The following NEK2 variants were observed in gnomAD, a reference collection of about 807,000 sequenced individuals.
NEK2 encodes NIMA related kinase 2.
A neutral mutation model predicts 54.1 loss-of-function variants in NEK2; 28 were observed. The observed-to-expected ratio is 0.52, with a 90% CI of 0.38 to 0.71. The LOEUF (loss-of-function observed/expected upper bound fraction) is 0.71, where lower values mean the gene tolerates loss of function less well. Among genes scored for constraint, NEK2 ranks in the 30% least tolerant of loss-of-function variants. The pLI is 0.00. For missense variants in NEK2, 407 were observed against 531.5 expected (o/e 0.77, Z 2.30); for synonymous variants, 176 against 193.1 (o/e 0.91, Z 0.73).
At chr1:211,673,858 T>C (rs747578570) in intron 2 of NEK2, 135 bp from the exon 3 acceptor site, 56 of 944,248 alleles carry the variant, frequency 5.9e-5, no homozygotes, top group Non-Finnish European at 8.0e-5. Context: ...AGGGTCTTAC[T>C]CTGTCACCCA....
At position 211,673,630 on chromosome 1, in the gene NEK2, G is replaced by A. The variant is rs370425466; in HGVS notation, c.408C>T (p.Thr136=). The change falls in exon 3 of 8, where the codon ACC becomes ACT. Residue 136 remains threonine (T), a synonymous_variant. Coordinates refer to ENST00000366999, the MANE Select transcript of NEK2 (RefSeq NM_002497.4). The part of the protein sequence containing the change: ...ECHRRSDGGH[T]VLHRDLKPAN... ...CTGGTTTCAGATCCCGATGCAATAC[G>A]GTATGACCACCATCACTTCGTCTGT... 20 of 1,614,020 alleles carry A rather than the reference G, an allele frequency of 1.2e-5. No individual in the cohort carries two copies. The highest frequency in any genetic ancestry group is 1.7e-5 in the Admixed American group (1 of 60,010).
intron 4 of NEK2, among the ~76,000 whole-genome samples, chr1:211,670,813 A>G (rs1296836989): frequency 1.3e-5 from 2 of 152,236 alleles, no homozygotes; most frequent in African/African-American, 4.8e-5. Flanking sequence ...GAAAAGAAGA[A>G]CAAAGGAAAA....
Position 211,669,186 on chromosome 1 carries a change from A to T in NEK2, c.912T>A (p.Ser304Arg). The change falls in exon 6 of 8, where the codon AGT (serine) becomes AGA (arginine). Residue 304 changes from serine to arginine, a missense_variant. Coordinates refer to ENST00000366999, the MANE Select transcript of NEK2 (RefSeq NM_002497.4). ...ACTGAATTTCCTTCAGTTTCAGCTC[A>T]CTCAATACAGGGCTGGAATCCTGCG... ...EKSQDSSPVL[S>R]ELKLKEIQLQ... 6.2e-7 allele frequency: 1 copy of T among 1,613,802 alleles called. No individual in the cohort carries two copies. The highest frequency in any genetic ancestry group is 8.5e-7 in the Non-Finnish European group (1 of 1,179,846).
downstream of NEK2, chr1:211,660,995 T>A: frequency 1.3e-6 from 1 of 742,202 alleles, no homozygotes; most frequent in South Asian, 1.4e-5. Flanking sequence ...CAACCCACCA[T>A]CAGGGCCCGC....
chr1:211,664,208 G>A (rs1183881315), intron 7 of NEK2, among the ~76,000 whole-genome samples: 3 of 151,878 alleles, frequency 2.0e-5, no homozygotes, highest in African/African-American at 7.3e-5. Flanking sequence ...TCAAGTAAGA[G>A]TAGTAAAAAC....
chr1:211,673,414 A>C lies in NEK2; in HGVS notation c.555+69T>G. 8 of 1,590,548 alleles carry C rather than the reference A, an allele frequency of 5.0e-6. No homozygotes were observed. In the South Asian group the frequency reaches 9.0e-5, roughly 18 times the overall value. ...GGGCAACAGAGCGAGACTCTGTCTC[A>C]AAAACAAACAAACAAGAAAACAAAA... On this transcript the variant is annotated intron_variant, in intron 3 of 7. Transcript: ENST00000366999.
intron 4 of NEK2, 31 bp downstream of exon 4, chr1:211,671,171 T>C (rs753685172): frequency 1.0e-5 from 16 of 1,552,704 alleles, no homozygotes; most frequent in Non-Finnish European, 1.4e-5. Context: ...GTACAAACCT[T>C]AGACTAGGAA....
Position 211,673,502 on chromosome 1 carries a change from G to A in NEK2, c.536C>T (p.Thr179Ile), listed in dbSNP as rs771623184. 2 of 1,613,960 alleles carry A rather than the reference G, an allele frequency of 1.2e-6. No individual in the cohort carries two copies. Among genetic ancestry groups the A allele is most frequent in the Admixed American group, 3.3e-5 (2 of 60,006 alleles). ...DTSFAKTFVG[T>I]PYYMSPEQMN... Reference sequence around the variant, plus strand: ...ACTTACAGGAGACATGTAATAAGGTGTGCCAACAAATGTTTTTGCAAAACT... The same window carrying A: ...ACTTACAGGAGACATGTAATAAGGTATGCCAACAAATGTTTTTGCAAAACT... Residue 179 changes from threonine (T) to isoleucine (I), a missense_variant, in exon 3 of 8, where the codon ACA (threonine) becomes ATA (isoleucine). By Grantham distance (89) the Thr-to-Ile change is moderately conservative. Coordinates refer to ENST00000366999, the MANE Select transcript of NEK2 (RefSeq NM_002497.4).
intron 6 of NEK2, among the ~76,000 whole-genome samples, chr1:211,667,773 C>G (rs1655224799): frequency 6.6e-6 from 1 of 152,178 alleles, no homozygotes; most frequent in Admixed American, 6.5e-5. Flanking sequence ...TGGCTGGTCA[C>G]AGTGGCTCAC....
chr1:211,674,562 CAAAG>C (rs1398956914), intron 1 of NEK2, 49 bp from the exon 2 acceptor site: 2 of 1,387,638 alleles, frequency 1.4e-6, no homozygotes, highest in African/African-American at 2.9e-5. Flanking sequence ...TGCTCAAAAA[CAAAG>C]AATGAAAGTT....
At chr1:211,667,749 G>T (rs899038780) in intron 6 of NEK2, among the ~76,000 whole-genome samples, 4 of 152,162 alleles carry the variant, frequency 2.6e-5, no homozygotes, top group Non-Finnish European at 5.9e-5. Context: ...GATTTCAGTT[G>T]CTATATGAAA....
At chr1:211,674,535 T>C (rs1183796956) in intron 1 of NEK2, 22 bp from the exon 2 acceptor site, 1 of 1,553,378 alleles carries the variant, frequency 6.4e-7, no homozygotes, top group African/African-American at 1.4e-5. Flanking sequence ...ATTTCCAAGG[T>C]ATGAATGAAC....
At chr1:211,666,109 G>A (rs757593866) in intron 7 of NEK2, among the ~76,000 whole-genome samples, 1 of 152,100 alleles carries the variant, frequency 6.6e-6, no homozygotes, top group Non-Finnish European at 1.5e-5. Flanking sequence ...TTAGATTGAG[G>A]GTTTCTATAA....
Position 211,663,176 on chromosome 1 carries a change from A to G in NEK2, c.*250T>C. ...CATGTTCCTACTAGTAATCACACAC[A>G]GGATTAAAAGCCCAACCAAGAAAGT... On this transcript the variant is annotated 3_prime_UTR_variant, in exon 8 of 8. Transcript: ENST00000366999. 7.9e-7 allele frequency: 1 copy of G among 1,259,022 alleles called. No individual in the cohort carries two copies. 78.0% of individuals were successfully genotyped at this position (1,259,022 alleles called of 1,614,324 possible).
chr1:211,668,676 A>G (rs1655254091), intron 6 of NEK2, among the ~76,000 whole-genome samples: 1 of 152,190 alleles, frequency 6.6e-6, no homozygotes, highest in Admixed American at 6.5e-5. Flanking sequence ...TCTCATCTAC[A>G]TACTGTAGGG....
chr1:211,673,663 C>T lies in NEK2; in HGVS notation c.375G>A (p.Lys125=), dbSNP rs762665510. 6.2e-7 allele frequency: 1 copy of T among 1,614,166 alleles called. No homozygotes were observed. Among genetic ancestry groups the T allele is most frequent in the Non-Finnish European group, 8.5e-7 (1 of 1,180,032 alleles). Residue 125 remains lysine, a synonymous_variant, in exon 3 of 8, where the codon AAG becomes AAA. Coordinates refer to ENST00000366999, the MANE Select transcript of NEK2 (RefSeq NM_002497.4). ...RVMTQLTLAL[K]ECHRRSDGGH... ...CACCATCACTTCGTCTGTGGCATTC[C>T]TTCAGGGCCAGAGTCAACTGAGTCA... is the stretch of plus-strand genomic sequence containing the variant.
chr1:211,675,356 G>C, intron 1 of NEK2, 28 bp downstream of exon 1: 1 of 1,604,080 alleles, frequency 6.2e-7, no homozygotes, highest in East Asian at 2.2e-5. Flanking sequence ...CTAAGCAGGG[G>C]CAGGCGCAGG....
In NEK2 at chr1:211,675,536, A is replaced by G; in HGVS notation, c.-57T>C. 6.9e-7 allele frequency: 1 copy of G among 1,457,856 alleles called. No individual in the cohort carries two copies. Among genetic ancestry groups the G allele is most frequent in the Non-Finnish European group, 9.6e-7 (1 of 1,040,896 alleles). The allele number at this position is 1,457,856 out of a possible 1,614,324, so 90.3% of individuals were successfully genotyped here. A position where few individuals can be genotyped will look rare whatever the true frequency, so the allele number is the denominator to read the frequency against. ...ACGCAGGTTGCGCCGCCAAGTGCGG[A>G]GCTCCAGGGACCAGGAACTCCAGGG... On this transcript the variant is annotated 5_prime_UTR_variant, in exon 1 of 8. Transcript: ENST00000366999.
chr1:211,662,028 C>T (rs763810074), downstream of NEK2, among the ~76,000 whole-genome samples: 3 of 152,146 alleles, frequency 2.0e-5, no homozygotes, highest in Non-Finnish European at 4.4e-5. This position sits in a 1 kb window ranked among gnomAD's most constrained non-coding sequence, Gnocchi z 4.2. Flanking sequence ...TGGAAACACC[C>T]TCACAGACAC....
Sources: allele counts gnomAD v4.1 joint callset (sites outside exome capture counted in the v4.1 genomes callset), GRCh38; gene constraint gnomAD v4.1.1; non-coding constraint Gnocchi (gnomAD v3.1); transcripts MANE v1.5; gene names NCBI Gene and HGNC (gene_info 2026-07-23, HGNC 2026-07-21).